The following NAA11 variants were observed in gnomAD, a reference collection of about 807,000 sequenced individuals.
NAA11 encodes N-alpha-acetyltransferase 11, NatA catalytic subunit.
NAA11 carries 15 observed loss-of-function variants against 16.1 expected under a neutral mutation model. That is an observed-to-expected ratio of 0.93 (90% CI 0.62 to 1.44). The LOEUF is 1.44. NAA11 is among the 40% of genes most tolerant of loss of function. The probability of loss-of-function intolerance (pLI) is 0.00; values close to 1 mark genes in which losing one functional copy is unlikely to be tolerated. For synonymous variants in NAA11, 122 were observed against 112.4 expected (o/e 1.09, Z -0.54); for missense variants, 298 against 291.3 (o/e 1.02, Z -0.17).
chr4:79,223,242 A>G (rs1214511951), downstream of NAA11, among the ~76,000 whole-genome samples: 3,546 of 148,062 alleles, frequency 0.024, 115 homozygotes, highest in African/African-American at 0.085. Context: ...CTTGGAACCA[A>G]CCCAAATGTC....
chr4:79,280,975 A>T (rs1228837227), intron 2 of NAA11, among the ~76,000 whole-genome samples: 1 of 152,034 alleles, frequency 6.6e-6, no homozygotes, highest in Non-Finnish European at 1.5e-5. Context: ...TGAGGGAGTG[A>T]TATAAGAATA....
At chr4:79,270,308 C>G (rs1328197229) in intron 2 of NAA11, among the ~76,000 whole-genome samples, 2 of 152,038 alleles carry the variant, frequency 1.3e-5, no homozygotes, top group Admixed American at 6.6e-5. Flanking sequence ...GACACATACA[C>G]TCTCCCAAGA....
chr4:79,320,931 C>T (rs1430938486), intron 1 of NAA11, among the ~76,000 whole-genome samples: 1 of 152,182 alleles, frequency 6.6e-6, no homozygotes, highest in East Asian at 1.9e-4. Flanking sequence ...TGTAGCCTTT[C>T]TCCATTCAGG....
chr4:79,277,589 TTGATTACCTACTCCACCCTGACTCATTC>T, intron 2 of NAA11, among the ~76,000 whole-genome samples: 1 of 152,096 alleles, frequency 6.6e-6, no homozygotes, highest in South Asian at 2.1e-4. Context: ...GCAATCTTTT[TTGATTACCTACTCCACCCTGACTCATTC>T]TGATTACCTG....
the NAA11 span, among the ~76,000 whole-genome samples, chr4:79,178,473 AATACTTTGG>A: frequency 6.6e-6 from 1 of 152,232 alleles, no homozygotes; most frequent in Non-Finnish European, 1.5e-5. Context: ...ACCTATGTCA[AATACTTTGG>A]AGATATATAT....
At chr4:79,180,951 AC>A in the NAA11 span, among the ~76,000 whole-genome samples, 2 of 152,126 alleles carry the variant, frequency 1.3e-5, no homozygotes, top group African/African-American at 4.8e-5. Context: ...GGAGCTGGAA[AC>A]CATCATTCTC....
At chr4:79,173,483 C>T in the NAA11 span, among the ~76,000 whole-genome samples, 6 of 151,970 alleles carry the variant, frequency 3.9e-5, no homozygotes, top group Non-Finnish European at 8.8e-5. Flanking sequence ...AGAACAGTAC[C>T]TGGTATATAC....
At chr4:79,312,826 T>A (rs1007491661), downstream of NAA11, among the ~76,000 whole-genome samples, 42 of 152,126 alleles carry the variant, frequency 2.8e-4, no homozygotes, top group African/African-American at 8.0e-4. Context: ...AAAATTTTGG[T>A]CACTGTGTGT....
At chr4:79,235,038 G>T (rs878883564) in intron 2 of NAA11, among the ~76,000 whole-genome samples, 3 of 152,078 alleles carry the variant, frequency 2.0e-5, no homozygotes, top group Admixed American at 6.6e-5. Context: ...GGAGAAAGGG[G>T]CCAGAAAAGG....
intron 2 of NAA11, among the ~76,000 whole-genome samples, chr4:79,260,554 C>G (rs2109973742): frequency 6.6e-6 from 1 of 152,286 alleles, no homozygotes; most frequent in East Asian, 1.9e-4. Flanking sequence ...ACTCTCCATC[C>G]TCTAGGCTAG....
At chr4:79,167,149 T>TATATATATATATATATATATATATAC in the NAA11 span, among the ~76,000 whole-genome samples, 1 of 70,236 alleles carries the variant, frequency 1.4e-5, no homozygotes, top group Non-Finnish European at 2.9e-5. Context: ...TATATATATA[T>TATATATATATATATATATATATATAC]ATATATGTAT....
chr4:79,175,812 T>A, the NAA11 span, among the ~76,000 whole-genome samples: 1 of 151,456 alleles, frequency 6.6e-6, no homozygotes, highest in East Asian at 1.9e-4. Context: ...TTTGTTTTGC[T>A]CCTTTTTATA....
the NAA11 span, among the ~76,000 whole-genome samples, chr4:79,159,265 G>GTGGGCTAAGGATATGAA: frequency 1.3e-5 from 2 of 152,120 alleles, no homozygotes; most frequent in African/African-American, 4.8e-5. Context: ...ACATCAAAAA[G>GTGGGCTAAGGATATGAA]TGGGCTAAGG....
chr4:79,303,076 T>TTTTATATATATATA (rs1553896049), intron 1 of NAA11, among the ~76,000 whole-genome samples: 1 of 67,522 alleles, frequency 1.5e-5, no homozygotes, highest in Admixed American at 1.7e-4. Flanking sequence ...TTGAGGCCTT[T>TTTTATATATATATA]TATATATATA....
chr4:79,248,797 G>C (rs1191637616), intron 2 of NAA11, among the ~76,000 whole-genome samples: 1 of 152,148 alleles, frequency 6.6e-6, no homozygotes, highest in East Asian at 1.9e-4. Flanking sequence ...CACTGCTGCT[G>C]TGAACACCCG....
intron 2 of NAA11, among the ~76,000 whole-genome samples, chr4:79,263,226 T>A (rs1722276583): frequency 6.6e-6 from 1 of 152,168 alleles, no homozygotes; most frequent in Non-Finnish European, 1.5e-5. Context: ...TTGAAGGAAG[T>A]ACAAGATATG....
intron 2 of NAA11, chr4:79,244,875 G>A (rs567722113): frequency 6.2e-5 from 10 of 161,308 alleles, no homozygotes; most frequent in East Asian, 5.5e-4. Flanking sequence ...TGATCTGCCC[G>A]CCTCGGCCTC....
chr4:79,184,366 T>C, the NAA11 span, among the ~76,000 whole-genome samples: 1 of 151,938 alleles, frequency 6.6e-6, no homozygotes, highest in Non-Finnish European at 1.5e-5. Context: ...AGGAAACAAA[T>C]AAAATCACTA....
At chr4:79,189,153 A>AAAAAAAAAAAAAAAAAAAAC in the NAA11 span, among the ~76,000 whole-genome samples, 1 of 147,064 alleles carries the variant, frequency 6.8e-6, no homozygotes, top group Non-Finnish European at 1.5e-5. Flanking sequence ...CTCAAAAAAA[A>AAAAAAAAAAAAAAAAAAAAC]AAAAAAAAAA....
Sources: gnomAD v4.1 joint callset for allele counts (sites outside exome capture counted in the v4.1 genomes callset) on GRCh38, gnomAD v4.1.1 for gene constraint, MANE v1.5 for transcripts, NCBI Gene and HGNC (gene_info 2026-07-23, HGNC 2026-07-21) for gene names.